Variants in TRIO observed in about 807,000 individuals in gnomAD.
TRIO encodes trio Rho guanine nucleotide exchange factor, also known as triple functional domain protein.
In TRIO, 58 loss-of-function variants were observed where a neutral mutation model predicts 351.9. That is an observed-to-expected ratio of 0.16 (90% CI 0.13 to 0.21). TRIO has a LOEUF of 0.21. Ranked by LOEUF, TRIO falls within the 10% of genes least tolerant of loss-of-function variation. TRIO has a pLI of 1.00. For synonymous variants in TRIO, 1,758 were observed against 1,595.7 expected (o/e 1.10, Z -2.42); for missense variants, 3,201 against 4,027.8 (o/e 0.79, Z 5.56).
intron 34 of TRIO, among the ~76,000 whole-genome samples, chr5:14,448,992 T>C (rs1752646274): frequency 6.6e-6 from 1 of 152,222 alleles, no homozygotes; most frequent in African/African-American, 2.4e-5. Flanking sequence ...GGCCCTATCA[T>C]TTCAAGACAG....
At position 14,491,974 on chromosome 5, in the gene TRIO, G is replaced by A. The variant is rs557582134; in HGVS notation, c.7633-593G>A. ...AGTCGCTCTCCGTATGAGCAGAATA[G>A]TGATCGATTTACGTTCAGGGGTTCC... On this transcript the variant is annotated intron_variant, in intron 48 of 56. Coordinates refer to ENST00000344204, the MANE Select transcript of TRIO (RefSeq NM_007118.4). Among the ~76,000 whole-genome samples, 29 of 152,304 alleles carry A rather than the reference G, an allele frequency of 1.9e-4. 1 individual carries two copies. In the South Asian group the frequency reaches 5.4e-3, roughly 28 times the overall value.
intron 1 of TRIO, among the ~76,000 whole-genome samples, chr5:14,152,706 A>G (rs1188642289): frequency 6.6e-6 from 1 of 152,032 alleles, no homozygotes; most frequent in East Asian, 1.9e-4. Flanking sequence ...CTCCATCTAA[A>G]TTTTGTTGCA....
At chr5:14,388,959 A>G (rs562399163) in intron 24 of TRIO, among the ~76,000 whole-genome samples, 2 of 152,330 alleles carry the variant, frequency 1.3e-5, no homozygotes, top group South Asian at 4.1e-4. Context: ...AGAATTGTAC[A>G]GCAGCTTCAG....
intron 54 of TRIO, among the ~76,000 whole-genome samples, chr5:14,503,962 G>T (rs1757474825): frequency 6.6e-6 from 1 of 152,346 alleles, no homozygotes; most frequent in South Asian, 2.1e-4. Context: ...CCCCACAGGG[G>T]CGAGGCTGAG....
At chr5:14,306,292 GT>G (rs1738364576) in intron 8 of TRIO, among the ~76,000 whole-genome samples, 1 of 152,136 alleles carries the variant, frequency 6.6e-6, no homozygotes, top group Non-Finnish European at 1.5e-5. Context: ...TTGCACCAAT[GT>G]TTCTTAACTA....
intron 1 of TRIO, among the ~76,000 whole-genome samples, chr5:14,227,608 A>G (rs1793132287): frequency 6.6e-6 from 1 of 152,162 alleles, no homozygotes; most frequent in African/African-American, 2.4e-5. Context: ...CCCTTTGAGG[A>G]ATTTGGTTAG....
chr5:14,316,431 C>A lies in TRIO; in HGVS notation c.1501-82C>A. ...ACGTGTGTGCCTGTATGTGCACACA[C>A]ATGTATCCAAGGACAGCATCTGTGG... is the stretch of plus-strand genomic sequence containing the variant. On this transcript the variant is annotated intron_variant, in intron 8 of 56. Coordinates refer to ENST00000344204, the MANE Select transcript of TRIO (RefSeq NM_007118.4). 3 of 1,403,790 alleles carry A rather than the reference C, an allele frequency of 2.1e-6. No individual in the cohort carries two copies. In the South Asian group the frequency reaches 3.8e-5, roughly 18 times the overall value. The allele number at this position is 1,403,790 out of a possible 1,614,324, so 87.0% of individuals were successfully genotyped here. A position where few individuals can be genotyped will look rare whatever the true frequency, so the allele number is the denominator to read the frequency against.
At chr5:14,150,068 A>C (rs1236778812) in intron 1 of TRIO, among the ~76,000 whole-genome samples, 1 of 152,190 alleles carries the variant, frequency 6.6e-6, no homozygotes, top group Non-Finnish European at 1.5e-5. Flanking sequence ...GTGCTGCTCC[A>C]TTACTGGCTT....
intron 9 of TRIO, among the ~76,000 whole-genome samples, chr5:14,323,153 C>G (rs897695966): frequency 1.3e-5 from 2 of 151,876 alleles, no homozygotes; most frequent in African/African-American, 4.8e-5. Flanking sequence ...CTCAAAAGTT[C>G]CCATTCTTCC....
intron 1 of TRIO, among the ~76,000 whole-genome samples, chr5:14,243,029 A>T (rs1196389451): frequency 6.6e-6 from 1 of 152,218 alleles, no homozygotes; most frequent in Non-Finnish European, 1.5e-5. Context: ...CTTCTCTCAC[A>T]GCCACATCTG....
intron 10 of TRIO, 63 bp downstream of exon 10, chr5:14,330,963 G>A (rs1000738146): frequency 3.1e-6 from 5 of 1,599,742 alleles, no homozygotes; most frequent in Admixed American, 1.7e-5. Flanking sequence ...TTGGATTACA[G>A]TTTTAACCAC....
chr5:14,483,738 G>A (rs1755703097), intron 46 of TRIO, among the ~76,000 whole-genome samples: 2 of 152,116 alleles, frequency 1.3e-5, no homozygotes, highest in African/African-American at 4.8e-5. Flanking sequence ...TGGGCTGCGG[G>A]CCCTCGCACC....
At chr5:14,461,913 A>C (rs1251254456) in intron 35 of TRIO, among the ~76,000 whole-genome samples, 1 of 152,260 alleles carries the variant, frequency 6.6e-6, no homozygotes, top group Non-Finnish European at 1.5e-5. Context: ...AAGTGCATGT[A>C]GGTCAGCCAG....
rs775624524 is a variant in TRIO, at chr5:14,487,977, G to A, written c.7349G>A (p.Arg2450Gln). ...GGCACCCTGCCGCTTGGGAAGCCCCGGGCCGGGGCCGCTTCGCCGCTGAAC... is the reference window on the plus strand; with the variant it reads ...GGCACCCTGCCGCTTGGGAAGCCCCAGGCCGGGGCCGCTTCGCCGCTGAAC... ...SLGTLPLGKPRAGAASPLNSP... is the reference protein window; with the variant it reads ...SLGTLPLGKPQAGAASPLNSP... Residue 2450 changes from arginine to glutamine, a missense_variant, in exon 48 of 57, where the codon CGG becomes CAG. Physicochemically the swap from Arg to Gln is conservative, Grantham distance 43 (BLOSUM62 1). This residue lies in a region of TRIO where 1,089 missense variants were observed against 954.9 expected (regional missense o/e 1.14). Transcript: ENST00000344204. 3 of 1,554,654 alleles carry A rather than the reference G, an allele frequency of 1.9e-6. No individual in the cohort carries two copies. Among genetic ancestry groups the A allele is most frequent in the East Asian group, 2.4e-5 (1 of 41,172 alleles).
At chr5:14,305,893 A>G (rs544138648) in intron 8 of TRIO, among the ~76,000 whole-genome samples, 4 of 152,234 alleles carry the variant, frequency 2.6e-5, no homozygotes, top group Non-Finnish European at 4.4e-5. Flanking sequence ...CTATGTTTAG[A>G]TACACAAATA....
chr5:14,213,003 G>A (rs1287739310), intron 1 of TRIO, among the ~76,000 whole-genome samples: 4 of 152,214 alleles, frequency 2.6e-5, no homozygotes, highest in African/African-American at 9.6e-5. Context: ...ACCAAGAAGA[G>A]TTCAGTTGCT....
Position 14,151,671 on chromosome 5 carries a change from G to A in TRIO, c.157+7789G>A, listed in dbSNP as rs529196165. Among the ~76,000 whole-genome samples, 4 of 152,300 alleles carry A rather than the reference G, an allele frequency of 2.6e-5. No individual in the cohort carries two copies. The South Asian group carries it at 8.3e-4, about 32-fold the overall frequency. On this transcript the variant is annotated intron_variant, in intron 1 of 56. Transcript: ENST00000344204. The stretch of plus-strand genomic sequence containing the variant: ...GTTAAGATGTTGGCCAAAACAGTGT[G>A]TGTATAAATTGATCTCCATTGTTTA...
chr5:14,204,605 G>C (rs181699773), intron 1 of TRIO, among the ~76,000 whole-genome samples: 1 of 152,300 alleles, frequency 6.6e-6, no homozygotes, highest in East Asian at 1.9e-4. Context: ...CAAAGGATTT[G>C]AGGAAGATAT....
intron 1 of TRIO, among the ~76,000 whole-genome samples, chr5:14,151,620 TG>T (rs1787840199): frequency 6.6e-6 from 1 of 152,244 alleles, no homozygotes; most frequent in Non-Finnish European, 1.5e-5. Flanking sequence ...GATTGTGATT[TG>T]AAAATGATGT....
Sources: gnomAD v4.1 joint callset for allele counts (sites outside exome capture counted in the v4.1 genomes callset) on GRCh38, gnomAD v4.1.1 for gene constraint, gnomAD v4.1.1 regional missense constraint, MANE v1.5 for transcripts, NCBI Gene and HGNC (gene_info 2026-07-23, HGNC 2026-07-21) for gene names.